The following PROKR2 variants were observed in gnomAD, a reference collection of about 807,000 sequenced individuals.
PROKR2 encodes the protein G protein-coupled receptor 73-like 1.
A neutral mutation model predicts 23.4 loss-of-function variants in PROKR2; 26 were observed. The observed-to-expected ratio is 1.11, with a 90% CI of 0.81 to 1.54. The LOEUF (loss-of-function observed/expected upper bound fraction) is 1.54, where lower values mean the gene tolerates loss of function less well. Ranked by LOEUF, PROKR2 falls within the 40% of genes most tolerant of loss-of-function variation. The pLI is 0.00. For synonymous variants in PROKR2, 212 were observed against 201.2 expected (o/e 1.05, Z -0.45); for missense variants, 453 against 511.5 (o/e 0.89, Z 1.10).
In PROKR2 at chr20:5,308,192, G is replaced by GCC. The variant is rs60181166; in HGVS notation, c.459-5458_459-5457dup. ...AATAAGGGGGACATGTTGGGAACAG[G>GCC]CCCCCCCCCCTCAAAACCTGGCCAT... On this transcript the variant is annotated intron_variant, in intron 2 of 2. Transcript: ENST00000678254. Among the ~76,000 whole-genome samples, 470 of 106,838 alleles carry GCC rather than the reference G, an allele frequency of 4.4e-3. 3 individuals carry two copies. Among genetic ancestry groups the GCC allele is most frequent in the Middle Eastern group, 0.017 (4 of 234 alleles). The allele number at this position is 106,838 out of a possible 152,430, so 70.1% of individuals were successfully genotyped here.
At position 5,316,898 on chromosome 20, in the gene PROKR2, G is replaced by C. The variant is rs1016725691; in HGVS notation, c.-413C>G. On this transcript the variant is annotated 5_prime_UTR_variant, in exon 1 of 3. Transcript: ENST00000678254. This position sits in a 1 kb window ranked among gnomAD's most constrained non-coding sequence, Gnocchi z 5.0. ...CGTAGCTCCGGCCGCGCTGACGCGA[G>C]TCCCCGGCAGCGGGGGCAGCCTCTC... Among the ~76,000 whole-genome samples the C allele has an allele frequency of 6.6e-6, 1 of 152,250 alleles. No homozygotes were observed. Among genetic ancestry groups the C allele is most frequent in the Non-Finnish European group, 1.5e-5 (1 of 68,038 alleles).
At chr20:5,315,421 C>A (rs886932451) in intron 1 of PROKR2, among the ~76,000 whole-genome samples, 1 of 152,128 alleles carries the variant, frequency 6.6e-6, no homozygotes, top group African/African-American at 2.4e-5. Flanking sequence ...ATAGGGCACC[C>A]CAGGGTACAA....
rs1228864645 is a variant in PROKR2 at position 5,316,393 on chromosome 20, C to T, written c.-9+101G>A. 1 of 456,380 alleles carries T rather than the reference C, an allele frequency of 2.2e-6. No homozygotes were observed. The highest frequency in any genetic ancestry group is 2.0e-5 in the African/African-American group (1 of 50,076). The allele number at this position is 456,380 out of a possible 1,614,324, so 28.3% of individuals were successfully genotyped here. A position where few individuals can be genotyped will look rare whatever the true frequency, so the allele number is the denominator to read the frequency against. ...TCGAGAGTGGCGGGAGGCAAAGCAG[C>T]CGGAATGCCCGAGAAAAAAGTGGGC... On this transcript the variant is annotated intron_variant, in intron 1 of 2. Transcript: ENST00000678254. The surrounding 1 kb of genome is among the most constrained non-coding windows in gnomAD (Gnocchi z 5.0).
At chr20:5,303,703 G>A (rs961161051) in intron 2 of PROKR2, among the ~76,000 whole-genome samples, 4 of 152,246 alleles carry the variant, frequency 2.6e-5, no homozygotes, top group African/African-American at 9.6e-5. Flanking sequence ...GGGGTAGGGG[G>A]TAGGGGAGGA....
chr20:5,312,162 A>G (rs1211389822), intron 2 of PROKR2, among the ~76,000 whole-genome samples: 1 of 152,124 alleles, frequency 6.6e-6, no homozygotes, highest in Non-Finnish European at 1.5e-5. Flanking sequence ...GCTGGAGTGC[A>G]ATGGTGCAGT....
In PROKR2 at chr20:5,299,495, C is replaced by T. The variant is rs959092021; in HGVS notation, c.*2545G>A. 6.6e-6 allele frequency among the ~76,000 whole-genome samples: 1 copy of T among 151,170 alleles called. No homozygotes were observed. The highest frequency in any genetic ancestry group is 2.4e-5 in the African/African-American group (1 of 41,286). On this transcript the variant is annotated 3_prime_UTR_variant, in exon 3 of 3. Coordinates refer to ENST00000678254, the MANE Select transcript of PROKR2 (RefSeq NM_144773.4). ...ATTATATTTATAGAAATGTACATAA[C>T]CTAAAATTGTTACTTGCTTGGCTTT...
intron 2 of PROKR2, among the ~76,000 whole-genome samples, chr20:5,310,849 C>A (rs538407636): frequency 6.6e-6 from 1 of 152,288 alleles, no homozygotes; most frequent in South Asian, 2.1e-4. Context: ...GATATAAGTC[C>A]CTGTGCTAGG....
chr20:5,305,336 G>T (rs1047137039), intron 2 of PROKR2, among the ~76,000 whole-genome samples: 1 of 152,200 alleles, frequency 6.6e-6, no homozygotes, highest in African/African-American at 2.4e-5. Flanking sequence ...TCTGCCTGGG[G>T]AACCCCCGCA....
intron 2 of PROKR2, among the ~76,000 whole-genome samples, chr20:5,310,091 A>AC (rs1303558862): frequency 6.6e-6 from 1 of 152,032 alleles, no homozygotes; most frequent in Non-Finnish European, 1.5e-5. Context: ...ATCACTGACA[A>AC]CCTCTAAGGC....
At chr20:5,306,347 A>G (rs1248020909) in intron 2 of PROKR2, among the ~76,000 whole-genome samples, 1 of 152,244 alleles carries the variant, frequency 6.6e-6, no homozygotes, top group East Asian at 1.9e-4. Flanking sequence ...TACACAACCT[A>G]TGGGAGCATT....
intron 2 of PROKR2, 86 bp from the exon 3 acceptor site, chr20:5,302,822 G>C: frequency 1.0e-6 from 1 of 958,624 alleles, no homozygotes; most frequent in Non-Finnish European, 1.7e-6. Flanking sequence ...CACTAAAGCA[G>C]TGGCACAGTG....
intron 2 of PROKR2, among the ~76,000 whole-genome samples, chr20:5,308,998 G>A (rs6053281): frequency 0.51 from 77,581 of 151,886 alleles, 20,116 homozygotes; most frequent in African/African-American, 0.61. Flanking sequence ...TACCCCAACC[G>A]CTGGCTGCAC....
At chr20:5,308,800 A>G (rs1302508030) in intron 2 of PROKR2, among the ~76,000 whole-genome samples, 3 of 152,210 alleles carry the variant, frequency 2.0e-5, no homozygotes. Context: ...CTGGACTAAG[A>G]AGGCCTTCTG....
Position 5,302,762 on chromosome 20 carries a change from A to C in PROKR2, c.459-26T>G, listed in dbSNP as rs760403803. The stretch of plus-strand genomic sequence containing the variant: ...CTGGTGGGGGAGGGAAGCCAACAGT[A>C]GTAATGATGAATACGTGGAAACGTT... On this transcript the variant is annotated intron_variant, in intron 2 of 2. Coordinates refer to ENST00000678254, the MANE Select transcript of PROKR2 (RefSeq NM_144773.4). The C allele has an allele frequency of 1.4e-5, 22 of 1,556,470 alleles. No homozygotes were observed. The African/African-American group carries it at 2.6e-4, about 18-fold the overall frequency.
chr20:5,302,365 AG>A lies in PROKR2; in HGVS notation c.829del (p.Leu277SerfsTer30). The A allele has an allele frequency of 1.2e-6, 2 of 1,614,216 alleles. No homozygotes were observed. Among genetic ancestry groups the A allele is most frequent in the Non-Finnish European group, 8.5e-7 (1 of 1,180,042 alleles). ...CACATAGGCCGTGAGAATGCACATG[AG>A]CACCAGGACCGTCTTCCTGCGGCAG... ...LRCRRKTVLVLMCILTAYVLC... is the reference protein window; with the variant it reads ...LRCRRKTVLVXMCILTAYVLC... On this transcript the variant is annotated frameshift_variant, in exon 3 of 3. Transcript: ENST00000678254. LOFTEE classifies it high-confidence loss of function.
chr20:5,302,166 G>C lies in PROKR2; in HGVS notation c.1029C>G (p.Tyr343Ter), dbSNP rs1374093067. ...AGTGCAGCAGCATCATCTTCTTGAA[G>C]TACTTCATGGTGTTGTTCTTGACCG... ...FVTVKNNTMK[Y>*]FKKMMLLHWR... Residue 343 changes from tyrosine (Y) to a stop codon, truncating the protein, a stop_gained, in exon 3 of 3, where the codon TAC (tyrosine) becomes TAG (stop). Transcript: ENST00000678254. LOFTEE classifies it high-confidence loss of function. The C allele has an allele frequency of 2.5e-6, 4 of 1,614,112 alleles. No individual in the cohort carries two copies. The African/African-American group carries it at 5.3e-5, about 22-fold the overall frequency.
chr20:5,302,578 A>C lies in PROKR2; in HGVS notation c.617T>G (p.Ile206Ser). Residue 206 changes from isoleucine (I) to serine (S), a missense_variant, in exon 3 of 3, where the codon ATC becomes AGC. By Grantham distance (142) the Ile-to-Ser change is moderately radical. Transcript: ENST00000678254. ...CACAGGCCAGATCTGGCCACAGAAG[A>C]TCTTCTCCTGGCTCTTGACAATAAA... ...VLFIVKSQEKIFCGQIWPVDQ... is the reference protein window; with the variant it reads ...VLFIVKSQEKSFCGQIWPVDQ... 6.2e-7 allele frequency: 1 copy of C among 1,614,124 alleles called. No individual in the cohort carries two copies. Among genetic ancestry groups the C allele is most frequent in the Non-Finnish European group, 8.5e-7 (1 of 1,180,014 alleles).
chr20:5,302,408 T>G lies in PROKR2; in HGVS notation c.787A>C (p.Ile263Leu). 1.2e-6 allele frequency: 2 copies of G among 1,614,240 alleles called. No individual in the cohort carries two copies. Among genetic ancestry groups the G allele is most frequent in the Non-Finnish European group, 1.7e-6 (2 of 1,180,050 alleles). ...CTGCGGCAGCGCAGCCGCTTGCGAA[T>G]CTGCTCCGTCTGGAACCCAGGGACT... ...KAVPGFQTEQ[I>L]RKRLRCRRKT... The change falls in exon 3 of 3, where the codon ATT becomes CTT. Residue 263 changes from isoleucine to leucine, a missense_variant. Coordinates refer to ENST00000678254, the MANE Select transcript of PROKR2 (RefSeq NM_144773.4).
In PROKR2 at chr20:5,301,984, G is replaced by T. The variant is rs1979005195; in HGVS notation, c.*56C>A. 1.3e-6 allele frequency: 2 copies of T among 1,497,024 alleles called. No homozygotes were observed. Among genetic ancestry groups the T allele is most frequent in the East Asian group, 4.6e-5 (2 of 43,860 alleles). The allele number at this position is 1,497,024 out of a possible 1,614,324, so 92.7% of individuals were successfully genotyped here. A position where few individuals can be genotyped will look rare whatever the true frequency, so the allele number is the denominator to read the frequency against. Reference sequence around the variant, plus strand: ...CATGCAGCCTATGAACTTGGTTGATGGTGGGTGATGCTCTGAGTACTGGAC... The same window carrying T: ...CATGCAGCCTATGAACTTGGTTGATTGTGGGTGATGCTCTGAGTACTGGAC... On this transcript the variant is annotated 3_prime_UTR_variant, in exon 3 of 3. Coordinates refer to ENST00000678254, the MANE Select transcript of PROKR2 (RefSeq NM_144773.4).
Sources: allele counts gnomAD v4.1 joint callset (sites outside exome capture counted in the v4.1 genomes callset), GRCh38; gene constraint gnomAD v4.1.1; non-coding constraint Gnocchi (gnomAD v3.1); transcripts MANE v1.5; gene names NCBI Gene and HGNC (gene_info 2026-07-23, HGNC 2026-07-21).